Variants in BAZ2B observed in about 807,000 individuals in gnomAD.
The protein encoded by BAZ2B is bromodomain adjacent to zinc finger domain 2B.
BAZ2B carries 91 observed loss-of-function variants against 246.0 expected under a neutral mutation model. That is an observed-to-expected ratio of 0.37 (90% CI 0.31 to 0.44). The LOEUF (loss-of-function observed/expected upper bound fraction) is 0.44. BAZ2B is among the 20% of genes least tolerant of loss of function. The pLI is 1.00. For synonymous variants in BAZ2B, 855 were observed against 860.0 expected, an observed-to-expected ratio of 0.99 and a Z score of 0.10; for missense variants, 2,332 against 2,533.7, an observed-to-expected ratio of 0.92 and a Z score of 1.71.
rs1415270955 is a variant in BAZ2B, at chr2:159,415,025, T to C, written c.2467-2480A>G. 3.3e-5 allele frequency among the ~76,000 whole-genome samples: 5 copies of C among 152,042 alleles called. No individual in the cohort carries two copies. The East Asian group carries it at 5.8e-4, about 18-fold the overall frequency. On this transcript the variant is annotated intron_variant, in intron 13 of 36. Coordinates refer to ENST00000392783, the MANE Select transcript of BAZ2B (RefSeq NM_013450.4). ...GATGAGGGTATATGTAAAACAGTAT[T>C]GGTCAAAATGATAATTCCTAAAACT...
At chr2:159,600,212 C>G (rs978050756) in intron 1 of BAZ2B, among the ~76,000 whole-genome samples, 5 of 152,132 alleles carry the variant, frequency 3.3e-5, no homozygotes, top group Admixed American at 1.3e-4. Context: ...TTTTTGCACA[C>G]CTATGTAAAT....
chr2:159,462,759 T>C (rs1195547220), intron 3 of BAZ2B: 1 of 1,419,302 alleles, frequency 7.0e-7, no homozygotes, highest in Non-Finnish European at 1.0e-6. Context: ...CAGAAGTTTT[T>C]AGGCTGACAC....
intron 2 of BAZ2B, among the ~76,000 whole-genome samples, chr2:159,491,897 T>C (rs909898336): frequency 2.6e-5 from 4 of 152,104 alleles, no homozygotes; most frequent in Non-Finnish European, 4.4e-5. Flanking sequence ...TTGCTGAAGA[T>C]AGTCATTATT....
chr2:159,564,315 G>C (rs1164934735), intron 1 of BAZ2B, among the ~76,000 whole-genome samples: 1 of 152,084 alleles, frequency 6.6e-6, no homozygotes, highest in Non-Finnish European at 1.5e-5. Flanking sequence ...CAGAGGGCCT[G>C]GAAAGCAACA....
chr2:159,661,180 G>T, the BAZ2B span, among the ~76,000 whole-genome samples: 1 of 152,086 alleles, frequency 6.6e-6, no homozygotes, highest in Non-Finnish European at 1.5e-5. Flanking sequence ...TTATATAAAT[G>T]AAATCATATA....
the BAZ2B span, among the ~76,000 whole-genome samples, chr2:159,628,493 C>T: frequency 2.0e-5 from 3 of 152,106 alleles, no homozygotes; most frequent in South Asian, 6.2e-4. Context: ...TGAAACAGAA[C>T]AGAAACCTGA....
In BAZ2B at chr2:159,491,585, G is replaced by C. The variant is rs563806574; in HGVS notation, c.-2-12864C>G. On this transcript the variant is annotated intron_variant, in intron 2 of 36. Transcript: ENST00000392783. ...AATACAAAAAAATTAGCCGGGCGTA[G>C]TGGCGGGCGCCTGTAGTCCCAGCTA... Among the ~76,000 whole-genome samples, 49 of 149,156 alleles carry C rather than the reference G, an allele frequency of 3.3e-4. No individual in the cohort carries two copies. In the South Asian group the frequency reaches 0.01, roughly 31 times the overall value.
chr2:159,409,309 T>C (rs6729335), intron 14 of BAZ2B, among the ~76,000 whole-genome samples: 5,950 of 152,228 alleles, frequency 0.039, 164 homozygotes, highest in African/African-American at 0.087. Flanking sequence ...TAACGGTGCA[T>C]GGTATAGATT....
intron 13 of BAZ2B, among the ~76,000 whole-genome samples, chr2:159,417,482 A>G (rs147235028): frequency 9.1e-4 from 138 of 152,208 alleles, no homozygotes; most frequent in African/African-American, 3.2e-3. Flanking sequence ...AGATTATGTT[A>G]ATTATATTAT....
At chr2:159,534,231 AGGTATATGTTCTGAGAAACGT>A (rs1264448459) in intron 2 of BAZ2B, among the ~76,000 whole-genome samples, 7 of 152,344 alleles carry the variant, frequency 4.6e-5, no homozygotes, top group African/African-American at 1.4e-4. Context: ...ACTTATCCAC[AGGTATATGTTCTGAGAAACGT>A]GTTGTTAGGT....
intron 1 of BAZ2B, among the ~76,000 whole-genome samples, chr2:159,559,848 T>G (rs2089640634): frequency 6.6e-6 from 1 of 152,214 alleles, no homozygotes; most frequent in Non-Finnish European, 1.5e-5. Context: ...ATGTTACATT[T>G]TATGAAAACA....
At chr2:159,696,083 G>A in the BAZ2B span, among the ~76,000 whole-genome samples, 8 of 152,168 alleles carry the variant, frequency 5.3e-5, no homozygotes, top group East Asian at 1.9e-4. Flanking sequence ...TTATGCCTGT[G>A]TTTCTTAGGA....
At chr2:159,484,931 G>C (rs530395206) in intron 2 of BAZ2B, among the ~76,000 whole-genome samples, 1 of 152,054 alleles carries the variant, frequency 6.6e-6, no homozygotes, top group Non-Finnish European at 1.5e-5. Flanking sequence ...TTTAAAGAAT[G>C]ATTTTATTTG....
At chr2:159,411,910 T>G in intron 14 of BAZ2B, 2 of 983,102 alleles carry the variant, frequency 2.0e-6, no homozygotes, top group Non-Finnish European at 2.4e-6. Context: ...TACTTACCAG[T>G]AATTGGAGTT....
At chr2:159,484,305 T>C (rs2079576639) in intron 2 of BAZ2B, among the ~76,000 whole-genome samples, 1 of 152,214 alleles carries the variant, frequency 6.6e-6, no homozygotes, top group South Asian at 2.1e-4. Context: ...CAAGCTGATT[T>C]TGATGACCCA....
At chr2:159,503,941 A>G (rs914366552) in intron 2 of BAZ2B, among the ~76,000 whole-genome samples, 3 of 152,208 alleles carry the variant, frequency 2.0e-5, no homozygotes, top group Non-Finnish European at 4.4e-5. Flanking sequence ...AAAGTAGTGA[A>G]TTGAATAAAA....
In BAZ2B at chr2:159,448,423, A is replaced by C. The variant is rs748052063; in HGVS notation, c.335-14T>G. The C allele has an allele frequency of 3.2e-5, 49 of 1,524,886 alleles. No homozygotes were observed. Among genetic ancestry groups the C allele is most frequent in the Admixed American group, 2.2e-4 (9 of 40,288 alleles). 94.5% of individuals were successfully genotyped at this position (1,524,886 alleles called of 1,614,324 possible). On this transcript the variant is annotated splice_polypyrimidine_tract_variant and intron_variant, in intron 4 of 36. Transcript: ENST00000392783. Reference sequence around the variant, plus strand: ...ACCATTCTGCACCTCAAAACCAAACAAACCAACCAAACAAAAATATATAAA... The same window carrying C: ...ACCATTCTGCACCTCAAAACCAAACCAACCAACCAAACAAAAATATATAAA...
intron 3 of BAZ2B, among the ~76,000 whole-genome samples, chr2:159,475,525 A>G (rs1559553210): frequency 6.6e-6 from 1 of 152,038 alleles, no homozygotes; most frequent in African/African-American, 2.4e-5. Flanking sequence ...GGAGTTTGTT[A>G]TTACCCACCC....
chr2:159,528,701 T>C (rs1378003190), intron 2 of BAZ2B, among the ~76,000 whole-genome samples: 2 of 146,064 alleles, frequency 1.4e-5, no homozygotes, highest in Non-Finnish European at 3.0e-5. Flanking sequence ...AAAAAAAGAA[T>C]AGTAGAGAAG....
Sources: allele counts gnomAD v4.1 joint callset (sites outside exome capture counted in the v4.1 genomes callset), GRCh38; gene constraint gnomAD v4.1.1; transcripts MANE v1.5; gene names NCBI Gene and HGNC (gene_info 2026-07-23, HGNC 2026-07-21).